PIK3CB: variants seen among roughly 807,000 people sequenced by gnomAD.
PIK3CB encodes the protein phosphatidylinositol 4,5-bisphosphate 3-kinase catalytic subunit beta isoform.
In PIK3CB, 39 loss-of-function variants were observed where a neutral mutation model predicts 136.8. The observed-to-expected ratio is 0.29, with a 90% CI of 0.22 to 0.37. The LOEUF is 0.37. Ranked by LOEUF, PIK3CB falls within the 10% of genes least tolerant of loss-of-function variation. The pLI, the probability that PIK3CB is intolerant of heterozygous loss-of-function variation, is 1.00. For synonymous variants in PIK3CB, 428 were observed against 436.6 expected (o/e 0.98, Z 0.25); for missense variants, 868 against 1,275.4 (o/e 0.68, Z 4.87).
chr3:138,704,400 A>C, intron 12 of PIK3CB, 43 bp downstream of exon 12: 1 of 1,320,084 alleles, frequency 7.6e-7, no homozygotes, highest in Non-Finnish European at 1.1e-6. Context: ...AATAATGTGC[A>C]CAACTCCATA....
intron 3 of PIK3CB, among the ~76,000 whole-genome samples, chr3:138,757,057 A>G (rs1220455488): frequency 1.3e-5 from 2 of 152,210 alleles, no homozygotes; most frequent in Non-Finnish European, 2.9e-5. Context: ...ACAAATGACC[A>G]ACAAGCACAT....
chr3:138,709,880 G>C (rs1463306467), intron 10 of PIK3CB, among the ~76,000 whole-genome samples: 1 of 152,008 alleles, frequency 6.6e-6, no homozygotes, highest in Non-Finnish European at 1.5e-5. Context: ...TTCCTCCTAA[G>C]AAATATGTCA....
intron 12 of PIK3CB, among the ~76,000 whole-genome samples, chr3:138,703,570 ATAGATATAGATATG>A (rs201545602): frequency 0.03 from 4,505 of 151,440 alleles, 227 homozygotes; most frequent in African/African-American, 0.1. Flanking sequence ...ATATGTAGAT[ATAGATATAGATATG>A]TAGATATAGA....
intron 2 of PIK3CB, among the ~76,000 whole-genome samples, chr3:138,771,732 C>G (rs1227868351): frequency 1.3e-5 from 2 of 152,042 alleles, no homozygotes; most frequent in African/African-American, 4.8e-5. Flanking sequence ...GCCTGGGCAA[C>G]ATAGTGAGAC....
At chr3:138,718,187 T>G (rs1252795013) in intron 8 of PIK3CB, among the ~76,000 whole-genome samples, 2 of 152,170 alleles carry the variant, frequency 1.3e-5, no homozygotes, top group Non-Finnish European at 2.9e-5. Context: ...CTCACCAGCA[T>G]CTCTTATTTT....
chr3:138,674,565 T>C (rs900966039), intron 19 of PIK3CB, among the ~76,000 whole-genome samples: 37 of 151,934 alleles, frequency 2.4e-4, no homozygotes, highest in African/African-American at 8.2e-4. Flanking sequence ...AGTTTCAGAG[T>C]TGTAAAATTA....
At chr3:138,774,047 T>G (rs957384051) in intron 2 of PIK3CB, among the ~76,000 whole-genome samples, 1 of 152,236 alleles carries the variant, frequency 6.6e-6, no homozygotes, top group African/African-American at 2.4e-5. Flanking sequence ...CCTTTGAAGA[T>G]ATAACTAAGG....
chr3:138,760,352 T>C (rs2045646435), intron 2 of PIK3CB, among the ~76,000 whole-genome samples: 1 of 152,174 alleles, frequency 6.6e-6, no homozygotes, highest in South Asian at 2.1e-4. Flanking sequence ...CCCATCACTC[T>C]ACAGCCCGAG....
chr3:138,715,070 G>A (rs756392193), intron 8 of PIK3CB, among the ~76,000 whole-genome samples: 19 of 152,158 alleles, frequency 1.2e-4, no homozygotes, highest in Non-Finnish European at 2.6e-4. Flanking sequence ...ACTATCATAT[G>A]CTTACTCACT....
chr3:138,773,750 C>T (rs1559873004), intron 2 of PIK3CB, among the ~76,000 whole-genome samples: 1 of 152,190 alleles, frequency 6.6e-6, no homozygotes, highest in Non-Finnish European at 1.5e-5. Flanking sequence ...TTACCCCTAA[C>T]ATCAACAAGA....
intron 2 of PIK3CB, among the ~76,000 whole-genome samples, chr3:138,794,137 T>A (rs924191256): frequency 6.6e-6 from 1 of 152,080 alleles, no homozygotes; most frequent in Non-Finnish European, 1.5e-5. Flanking sequence ...TAATTTTTTG[T>A]ATTATTAGTA....
intron 4 of PIK3CB, among the ~76,000 whole-genome samples, chr3:138,754,791 T>G (rs2045535163): frequency 6.6e-6 from 1 of 152,218 alleles, no homozygotes; most frequent in Non-Finnish European, 1.5e-5. Context: ...AAGGGGATGG[T>G]ACTATATTAT....
intron 17 of PIK3CB, among the ~76,000 whole-genome samples, chr3:138,684,151 T>C (rs535362678): frequency 7.9e-4 from 121 of 152,356 alleles, no homozygotes; most frequent in African/African-American, 2.7e-3. Context: ...ATTCTTGATT[T>C]CTTAACAAGG....
chr3:138,822,640 G>A (rs201097760), intron 1 of PIK3CB, among the ~76,000 whole-genome samples: 39 of 151,606 alleles, frequency 2.6e-4, no homozygotes, highest in African/African-American at 8.5e-4. Flanking sequence ...TCAGGAGTTC[G>A]AGACGAGCCT....
At chr3:138,681,087 T>A (rs1488608474) in intron 19 of PIK3CB, among the ~76,000 whole-genome samples, 4 of 146,214 alleles carry the variant, frequency 2.7e-5, no homozygotes, top group Non-Finnish European at 6.0e-5. Flanking sequence ...CACTTTGTCA[T>A]CCAGCCTGGA....
At chr3:138,664,166 T>C (rs2043357947) in intron 20 of PIK3CB, 137 bp from the exon 21 acceptor site, 2 of 978,118 alleles carry the variant, frequency 2.0e-6, no homozygotes, top group Admixed American at 2.9e-5. Flanking sequence ...AGAGAACATG[T>C]GGATCAGCCA....
intron 2 of PIK3CB, among the ~76,000 whole-genome samples, chr3:138,788,139 T>G (rs1028533053): frequency 2.0e-5 from 3 of 150,890 alleles, no homozygotes; most frequent in African/African-American, 7.3e-5. Context: ...GCCAGGCCGG[T>G]CTCTAACTCC....
intron 8 of PIK3CB, among the ~76,000 whole-genome samples, chr3:138,719,177 C>G (rs2044673816): frequency 2.0e-5 from 3 of 149,136 alleles, no homozygotes; most frequent in African/African-American, 7.4e-5. Flanking sequence ...ATCTTTATAT[C>G]TACCTTATAT....
In PIK3CB at chr3:138,707,296, C is replaced by T; in HGVS notation, c.1400-7G>A. ...AACATTTCTTCGAGTTCATCTAAAACATGCAAATAATTTTGGTTCTTAAAA... is the reference window on the plus strand; with the variant it reads ...AACATTTCTTCGAGTTCATCTAAAATATGCAAATAATTTTGGTTCTTAAAA... On this transcript the variant is annotated splice_polypyrimidine_tract_variant and splice_region_variant and intron_variant, in intron 10 of 23. Coordinates refer to ENST00000674063, the MANE Select transcript of PIK3CB (RefSeq NM_006219.3). The T allele has an allele frequency of 6.3e-7, 1 of 1,586,858 alleles. No individual in the cohort carries two copies. Among genetic ancestry groups the T allele is most frequent in the Non-Finnish European group, 8.5e-7 (1 of 1,171,120 alleles).
Sources: allele counts gnomAD v4.1 joint callset (sites outside exome capture counted in the v4.1 genomes callset), GRCh38; gene constraint gnomAD v4.1.1; transcripts MANE v1.5; gene names NCBI Gene and HGNC (gene_info 2026-07-23, HGNC 2026-07-21).